Variants in STIM1 observed in about 807,000 individuals in gnomAD.
The protein encoded by STIM1 is stromal interaction molecule 1.
Under a neutral mutation model 74.7 loss-of-function variants are expected in STIM1, and 25 were observed. That is an observed-to-expected ratio of 0.33 (90% CI 0.24 to 0.47). STIM1 has a LOEUF of 0.47. Among genes scored for constraint, STIM1 ranks in the 20% least tolerant of loss-of-function variants. STIM1 has a pLI of 1.00. For synonymous variants in STIM1, 328 were observed against 348.8 expected, an observed-to-expected ratio of 0.94 and a Z score of 0.66; for missense variants, 728 against 920.8, an observed-to-expected ratio of 0.79 and a Z score of 2.71.
At chr11:3,867,011 T>C (rs1483711096) in intron 1 of STIM1, 1 of 152,116 alleles carries the variant, frequency 6.6e-6, no homozygotes, top group Non-Finnish European at 1.5e-5. Flanking sequence ...CCAGTAGATA[T>C]TTGTTGACCA....
chr11:4,048,000 T>C (rs561099406), intron 3 of STIM1, among the ~76,000 whole-genome samples: 7 of 152,218 alleles, frequency 4.6e-5, no homozygotes, highest in Non-Finnish European at 8.8e-5. Flanking sequence ...TTTGTATTTT[T>C]AGTAGAGACA....
At chr11:3,874,822 G>A (rs188421576) in intron 1 of STIM1, among the ~76,000 whole-genome samples, 54 of 152,308 alleles carry the variant, frequency 3.5e-4, no homozygotes, top group Admixed American at 3.4e-3. Flanking sequence ...AATTTCAGGT[G>A]TTATGATAGA....
chr11:3,913,371 A>G (rs2092595733), intron 1 of STIM1, among the ~76,000 whole-genome samples: 1 of 151,488 alleles, frequency 6.6e-6, no homozygotes, highest in South Asian at 2.1e-4. Flanking sequence ...TTTTCTTTCT[A>G]GAAATGAGGT....
chr11:3,864,568 G>T (rs189943887), intron 1 of STIM1, among the ~76,000 whole-genome samples: 6 of 152,192 alleles, frequency 3.9e-5, no homozygotes, highest in Non-Finnish European at 8.8e-5. Flanking sequence ...CCAAGAGAGC[G>T]CAAGAGAGAG....
rs144476672 is a variant in STIM1 at position 4,040,735 on chromosome 11, A to G, written c.386-14791A>G. On this transcript the variant is annotated intron_variant, in intron 3 of 12. Coordinates refer to ENST00000526596, the MANE Select transcript of STIM1 (RefSeq NM_001382567.1). ...AGTTGTTTGGCCTACCCAACATTTCATAGCACCTAGGTTCTCTTACTACTC... is the reference window on the plus strand; with the variant it reads ...AGTTGTTTGGCCTACCCAACATTTCGTAGCACCTAGGTTCTCTTACTACTC... 5.9e-4 allele frequency among the ~76,000 whole-genome samples: 90 copies of G among 152,338 alleles called. No homozygotes were observed. In the Middle Eastern group the frequency reaches 0.014, roughly 23 times the overall value.
chr11:3,900,857 TGAG>T (rs1443014072), intron 1 of STIM1, among the ~76,000 whole-genome samples: 1 of 152,164 alleles, frequency 6.6e-6, no homozygotes, highest in Non-Finnish European at 1.5e-5. Context: ...ATTACAGGCA[TGAG>T]CCACTGTGGC....
intron 3 of STIM1, among the ~76,000 whole-genome samples, chr11:4,045,860 A>C (rs2094188516): frequency 7.5e-6 from 1 of 133,918 alleles, no homozygotes; most frequent in South Asian, 2.4e-4. Flanking sequence ...TCCGCCTCCC[A>C]GGTTCAAGTG....
chr11:3,953,505 A>G (rs1590596672), intron 1 of STIM1, among the ~76,000 whole-genome samples: 1 of 152,216 alleles, frequency 6.6e-6, no homozygotes, highest in Non-Finnish European at 1.5e-5. Flanking sequence ...AGATCACCCA[A>G]CTATAGCCTT....
chr11:3,948,877 G>C (rs972705200), intron 1 of STIM1, among the ~76,000 whole-genome samples: 9 of 152,140 alleles, frequency 5.9e-5, no homozygotes, highest in Non-Finnish European at 5.9e-5. Context: ...TGCCAGGCTA[G>C]ACACGAATGC....
intron 1 of STIM1, chr11:3,903,556 C>G (rs1225255313): frequency 6.6e-6 from 1 of 152,192 alleles, no homozygotes; most frequent in Non-Finnish European, 1.5e-5. Flanking sequence ...CTTAAGGAAG[C>G]TCTCCTCTTT....
chr11:3,856,424 C>A lies in STIM1; in HGVS notation c.139+15C>A. 1 of 1,612,420 alleles carries A rather than the reference C, an allele frequency of 6.2e-7. No individual in the cohort carries two copies. The highest frequency in any genetic ancestry group is 8.5e-7 in the Non-Finnish European group (1 of 1,179,160). On this transcript the variant is annotated intron_variant, in intron 1 of 12. Transcript: ENST00000526596. The stretch of plus-strand genomic sequence containing the variant: ...CACTGCAGCAGGTAAGGCCTTGCTG[C>A]GGGCTGGACTGGGCTGGAGGCTTTG...
chr11:3,962,438 A>G (rs1231964731), intron 1 of STIM1, among the ~76,000 whole-genome samples: 1 of 146,654 alleles, frequency 6.8e-6, no homozygotes, highest in Non-Finnish European at 1.5e-5. Context: ...TTTATGGCTG[A>G]GTAGTATTGT....
intron 3 of STIM1, among the ~76,000 whole-genome samples, chr11:4,044,514 T>A (rs1398016390): frequency 1.3e-5 from 2 of 152,222 alleles, no homozygotes; most frequent in Non-Finnish European, 2.9e-5. Context: ...GGTTGCTATC[T>A]GAGATACAGA....
chr11:4,000,030 G>A (rs2093698629), intron 2 of STIM1, among the ~76,000 whole-genome samples: 2 of 152,126 alleles, frequency 1.3e-5, no homozygotes, highest in African/African-American at 2.4e-5. Flanking sequence ...CGAGGCTGGG[G>A]GAGGGGCGCC....
chr11:4,044,296 C>A (rs996387094), intron 3 of STIM1, among the ~76,000 whole-genome samples: 6 of 152,142 alleles, frequency 3.9e-5, no homozygotes, highest in African/African-American at 1.4e-4. Flanking sequence ...GCTCTCCTTG[C>A]CAAATTCTGC....
chr11:4,066,213 T>A (rs1187800111), intron 5 of STIM1, among the ~76,000 whole-genome samples: 2 of 152,162 alleles, frequency 1.3e-5, no homozygotes, highest in Non-Finnish European at 2.9e-5. Flanking sequence ...GCCAGCCACA[T>A]CTGTTCTCCT....
At chr11:3,924,203 C>CTTTT (rs1170851849) in intron 1 of STIM1, among the ~76,000 whole-genome samples, 1 of 127,568 alleles carries the variant, frequency 7.8e-6, no homozygotes, top group Non-Finnish European at 1.7e-5. Flanking sequence ...TTTTTCTTTT[C>CTTTT]TTTTTTTTTT....
At chr11:4,070,829 A>G (rs1423982748) in intron 6 of STIM1, among the ~76,000 whole-genome samples, 2 of 152,336 alleles carry the variant, frequency 1.3e-5, no homozygotes, top group East Asian at 3.9e-4. Context: ...TTTAACTGTG[A>G]AAAGAGAGTG....
At chr11:3,894,066 G>A (rs995407205) in intron 1 of STIM1, among the ~76,000 whole-genome samples, 1 of 151,994 alleles carries the variant, frequency 6.6e-6, no homozygotes, top group Admixed American at 6.6e-5. Flanking sequence ...GAGCCACCAC[G>A]CCAGGCCAAT....
Sources: allele counts gnomAD v4.1 joint callset (sites outside exome capture counted in the v4.1 genomes callset), GRCh38; gene constraint gnomAD v4.1.1; transcripts MANE v1.5; gene names NCBI Gene and HGNC (gene_info 2026-07-23, HGNC 2026-07-21).